Variants in ADGRV1 observed in about 807,000 individuals in gnomAD.
ADGRV1 encodes G-protein coupled receptor 98.
Under a neutral mutation model 596.2 loss-of-function variants are expected in ADGRV1, and 359 were observed. The observed-to-expected ratio is 0.60, with a 90% confidence interval of 0.55 to 0.66. The LOEUF (loss-of-function observed/expected upper bound fraction) is 0.66. ADGRV1 is among the 30% of genes least tolerant of loss of function. The probability of loss-of-function intolerance (pLI) is 0.00; values close to 1 mark genes in which losing one functional copy is unlikely to be tolerated. For missense variants in ADGRV1, 7,274 were observed against 7,575.6 expected (o/e 0.96, Z 1.48); for synonymous variants, 2,681 against 2,679.2 (o/e 1.00, Z -0.02).
chr5:90,674,759 G>A (rs936685765), intron 23 of ADGRV1: 2 of 154,214 alleles, frequency 1.3e-5, no homozygotes, highest in African/African-American at 4.8e-5. Context: ...AAGAACATCT[G>A]TTAAAAGGTT....
At chr5:90,787,359 C>T (rs760911862) in intron 67 of ADGRV1, among the ~76,000 whole-genome samples, 2 of 152,138 alleles carry the variant, frequency 1.3e-5, no homozygotes, top group East Asian at 3.8e-4. Flanking sequence ...TGGTCTACAG[C>T]AGAGTTTTTC....
In ADGRV1 at chr5:90,639,410, A is replaced by G. The variant is rs374857482; in HGVS notation, c.2240+1462A>G. ...AAATGTTTAAAGAATGATTTACACT[A>G]TCCATCTGCAAATTGATAGTGACTA... On this transcript the variant is annotated intron_variant, in intron 11 of 89. Transcript: ENST00000405460. Among the ~76,000 whole-genome samples the G allele has an allele frequency of 4.3e-4, 66 of 152,330 alleles. No homozygotes were observed. The East Asian group carries it at 9.4e-3, about 22-fold the overall frequency.
At chr5:90,852,703 T>G (rs917495478) in intron 79 of ADGRV1, among the ~76,000 whole-genome samples, 2 of 152,230 alleles carry the variant, frequency 1.3e-5, no homozygotes, top group Admixed American at 1.3e-4. Flanking sequence ...GCCCAGGCTC[T>G]TATTATGCCT....
At chr5:90,616,240 C>T (rs1763351098) in intron 2 of ADGRV1, among the ~76,000 whole-genome samples, 1 of 151,954 alleles carries the variant, frequency 6.6e-6, no homozygotes, top group Non-Finnish European at 1.5e-5. Context: ...AATATTTTTT[C>T]TAGTAGCTTA....
intron 85 of ADGRV1, among the ~76,000 whole-genome samples, chr5:91,013,522 G>T (rs927964110): frequency 2.6e-5 from 4 of 152,092 alleles, no homozygotes; most frequent in Non-Finnish European, 5.9e-5. Flanking sequence ...TTTGAAAAGT[G>T]TATGTTCATG....
chr5:90,880,030 T>C (rs760137882), intron 83 of ADGRV1, among the ~76,000 whole-genome samples: 8 of 152,174 alleles, frequency 5.3e-5, no homozygotes, highest in Non-Finnish European at 1.0e-4. Flanking sequence ...TTTATTTACT[T>C]AATTCCAGAG....
chr5:91,080,698 C>T (rs1189038529), intron 86 of ADGRV1, among the ~76,000 whole-genome samples: 1 of 151,438 alleles, frequency 6.6e-6, no homozygotes, highest in African/African-American at 2.4e-5. Flanking sequence ...CTTTATGGTA[C>T]CAAAACATCC....
intron 84 of ADGRV1, among the ~76,000 whole-genome samples, chr5:90,973,287 G>T (rs1779230349): frequency 1.3e-5 from 2 of 152,150 alleles, no homozygotes; most frequent in South Asian, 4.1e-4. Context: ...GGAGGAGCTG[G>T]TACCATTCCT....
At chr5:90,566,609 TTTC>T (rs1755666405) in intron 1 of ADGRV1, among the ~76,000 whole-genome samples, 2 of 152,132 alleles carry the variant, frequency 1.3e-5, no homozygotes, top group Admixed American at 1.3e-4. Flanking sequence ...ATGCAATTAT[TTTC>T]TTAATTTTAT....
chr5:90,778,881 TC>T lies in ADGRV1; in HGVS notation c.12868del (p.Arg4290ValfsTer16). 1 of 1,612,034 alleles carries T rather than the reference TC, an allele frequency of 6.2e-7. No homozygotes were observed. Among genetic ancestry groups the T allele is most frequent in the Non-Finnish European group, 8.5e-7 (1 of 1,178,418 alleles). On this transcript the variant is annotated frameshift_variant, in exon 64 of 90. Transcript: ENST00000405460. LOFTEE classifies it high-confidence loss of function. ...SEAQRVNITIIRSSGDFGHVR... is the reference protein window; with the variant it reads ...SEAQRVNITIXRSSGDFGHVR... ...TTTGCATAGGTTAACATCACAATCA[TC>T]CGTTCCAGTGGAGATTTTGGCCATG...
chr5:90,720,848 T>C, intron 44 of ADGRV1, 87 bp from the exon 45 acceptor site: 1 of 1,087,700 alleles, frequency 9.2e-7, no homozygotes, highest in South Asian at 2.2e-5. Flanking sequence ...AAAAATGTAT[T>C]AAGTATATGC....
Position 90,694,060 on chromosome 5 carries a change from C to T in ADGRV1, c.7304C>T (p.Pro2435Leu). The change falls in exon 33 of 90, where the codon CCC becomes CTC. Residue 2435 changes from proline to leucine, a missense_variant. Coordinates refer to ENST00000405460, the MANE Select transcript of ADGRV1 (RefSeq NM_032119.4). The part of the protein sequence containing the change: ...TWMNVSAVGE[P>L]LYTCATLCLK... Reference sequence around the variant, plus strand: ...ATGAATGTCTCTGCCGTGGGGGAGCCCCTGTATACCTGTGCCACTTTGTGC... The same window carrying T: ...ATGAATGTCTCTGCCGTGGGGGAGCTCCTGTATACCTGTGCCACTTTGTGC... 1 of 1,613,774 alleles carries T rather than the reference C, an allele frequency of 6.2e-7. No homozygotes were observed. Among genetic ancestry groups the T allele is most frequent in the Non-Finnish European group, 8.5e-7 (1 of 1,179,836 alleles).
rs755217841 is a variant in ADGRV1, at chr5:90,637,962, T to C, written c.2240+14T>C. On this transcript the variant is annotated intron_variant, in intron 11 of 89. Transcript: ENST00000405460. ...TTCTCTAGACAGGTAATAACCCATT[T>C]AGGTAATGTTTAGTATCATTTATGT... is the stretch of plus-strand genomic sequence containing the variant. The C allele has an allele frequency of 6.4e-6, 10 of 1,571,556 alleles. No homozygotes were observed. The highest frequency in any genetic ancestry group is 1.4e-5 in the African/African-American group (1 of 73,954).
At chr5:90,929,979 A>G (rs16869227) in intron 83 of ADGRV1, among the ~76,000 whole-genome samples, 8,942 of 152,266 alleles carry the variant, frequency 0.059, 415 homozygotes, top group East Asian at 0.22. Flanking sequence ...GTTTTATAGC[A>G]GATGAATTTT....
intron 59 of ADGRV1, among the ~76,000 whole-genome samples, chr5:90,765,333 T>G (rs914128323): frequency 6.6e-6 from 1 of 152,060 alleles, no homozygotes; most frequent in African/African-American, 2.4e-5. Flanking sequence ...TTGATTTTCT[T>G]TTGCATAGTA....
At chr5:91,154,115 T>C (rs55980700) in intron 89 of ADGRV1, among the ~76,000 whole-genome samples, 105,040 of 152,150 alleles carry the variant, frequency 0.69, 38,372 homozygotes, top group Non-Finnish European at 0.82. Context: ...AGAAATTCTA[T>C]TTTGAACATT....
intron 29 of ADGRV1, 54 bp from the exon 30 acceptor site, chr5:90,689,807 G>C: frequency 1.6e-6 from 2 of 1,253,542 alleles, no homozygotes; most frequent in Non-Finnish European, 2.3e-6. Flanking sequence ...CTAGTATATG[G>C]AATGTTTTGA....
chr5:90,913,619 T>C (rs1773092935), intron 83 of ADGRV1, among the ~76,000 whole-genome samples: 1 of 152,144 alleles, frequency 6.6e-6, no homozygotes, highest in African/African-American at 2.4e-5. Context: ...GAAATTTACA[T>C]TTGATGAGGA....
intron 85 of ADGRV1, among the ~76,000 whole-genome samples, chr5:91,070,178 G>T (rs901501668): frequency 6.6e-6 from 1 of 152,100 alleles, no homozygotes; most frequent in South Asian, 2.1e-4. Context: ...GGGTGATGGG[G>T]TCATTCATGT....
Sources: allele counts gnomAD v4.1 joint callset (sites outside exome capture counted in the v4.1 genomes callset), GRCh38; gene constraint gnomAD v4.1.1; transcripts MANE v1.5; gene names NCBI Gene and HGNC (gene_info 2026-07-23, HGNC 2026-07-21).